The following USP8 variants were observed in gnomAD, a reference collection of about 807,000 sequenced individuals.
The protein encoded by USP8 is ubiquitin carboxyl-terminal hydrolase 8.
Under a neutral mutation model 130.0 loss-of-function variants are expected in USP8, and 27 were observed. The ratio of observed to expected loss-of-function variants is 0.21; its 90% CI spans 0.15 to 0.29. USP8 has a LOEUF of 0.29. Ranked by LOEUF, USP8 falls within the 10% of genes least tolerant of loss-of-function variation. The pLI is 1.00. For missense variants in USP8, 1,029 were observed against 1,312.2 expected (o/e 0.78, Z 3.33); for synonymous variants, 392 against 444.1 (o/e 0.88, Z 1.48).
intron 12 of USP8, among the ~76,000 whole-genome samples, chr15:50,485,617 C>G (rs1362058004): frequency 8.8e-6 from 1 of 113,608 alleles, no homozygotes; most frequent in Non-Finnish European, 1.6e-5. Flanking sequence ...TTAATACAAT[C>G]CAATTTTAGA....
rs566384111 is a variant in USP8 at position 50,502,652 on chromosome 15, G to A, written c.*3564G>A. 6.6e-6 allele frequency: 1 copy of A among 152,340 alleles called. No homozygotes were observed. The highest frequency in any genetic ancestry group is 2.4e-5 in the African/African-American group (1 of 41,516). The allele number at this position is 152,340 out of a possible 1,614,324, so 9.4% of individuals were successfully genotyped here. A position where few individuals can be genotyped will look rare whatever the true frequency, so the allele number is the denominator to read the frequency against. ...CCCAAAGTGCTGGGATTACAGGCGT[G>A]AGCCACTGCACCCAGCCTATTTATT... On this transcript the variant is annotated 3_prime_UTR_variant, in exon 20 of 20. Transcript: ENST00000307179.
chr15:50,424,406 A>T lies in USP8; in HGVS notation c.-174A>T, dbSNP rs1224391340. 2.5e-6 allele frequency: 1 copy of T among 398,628 alleles called. No homozygotes were observed. The allele number at this position is 398,628 out of a possible 1,614,324, so 24.7% of individuals were successfully genotyped here. ...CAATGCAAATCGGGAAAAGGGGGTG[A>T]GCTGGGCTGGCTTCCGTCCTGGTAG... is the stretch of plus-strand genomic sequence containing the variant. On this transcript the variant is annotated 5_prime_UTR_variant, in exon 1 of 20. Transcript: ENST00000307179.
In USP8 at chr15:50,493,062, C is replaced by A. The variant is rs142336644; in HGVS notation, c.2447+149C>A. 16 of 862,094 alleles carry A rather than the reference C, an allele frequency of 1.9e-5. No individual in the cohort carries two copies. In the African/African-American group the frequency reaches 2.5e-4, roughly 13 times the overall value. The allele number at this position is 862,094 out of a possible 1,614,324, so 53.4% of individuals were successfully genotyped here. A position where few individuals can be genotyped will look rare whatever the true frequency, so the allele number is the denominator to read the frequency against. ...AACAAAAATTTATTTTCTCTTAGTT[C>A]TTGACTGGGAAGGCCATCGTCTAGG... On this transcript the variant is annotated intron_variant, in intron 15 of 19. Coordinates refer to ENST00000307179, the MANE Select transcript of USP8 (RefSeq NM_005154.5).
chr15:50,433,637 T>C (rs1437289881), intron 1 of USP8, among the ~76,000 whole-genome samples: 1 of 151,826 alleles, frequency 6.6e-6, no homozygotes, highest in African/African-American at 2.4e-5. Context: ...TGAGATGGAG[T>C]CTCTGTTGCC....
intron 4 of USP8, among the ~76,000 whole-genome samples, chr15:50,452,348 T>G (rs2050652769): frequency 6.6e-6 from 1 of 152,150 alleles, no homozygotes; most frequent in Admixed American, 6.5e-5. Context: ...GAAGTTAGTT[T>G]CAGAGAGCAT....
chr15:50,439,980 G>A lies in USP8; in HGVS notation c.104+803G>A, dbSNP rs34623184. ...GCATAGGCCTATAATCCCAGCTAGT[G>A]GGGGGCTGAGGGATCCCTGAGTCCA... is the stretch of plus-strand genomic sequence containing the variant. On this transcript the variant is annotated intron_variant, in intron 2 of 19. Coordinates refer to ENST00000307179, the MANE Select transcript of USP8 (RefSeq NM_005154.5). Among the ~76,000 whole-genome samples, 867 of 152,154 alleles carry A rather than the reference G, an allele frequency of 5.7e-3. 8 individuals carry two copies. Among genetic ancestry groups the A allele is most frequent in the African/African-American group, 0.02 (835 of 41,516 alleles).
chr15:50,470,441 A>AG (rs1005672789), intron 7 of USP8, among the ~76,000 whole-genome samples: 1 of 152,162 alleles, frequency 6.6e-6, no homozygotes, highest in African/African-American at 2.4e-5. Context: ...GATTCCAGAC[A>AG]GGGAAAAAGC....
intron 11 of USP8, 145 bp downstream of exon 11, chr15:50,482,210 C>T: frequency 1.5e-6 from 1 of 666,240 alleles, no homozygotes; most frequent in Non-Finnish European, 2.2e-6. Flanking sequence ...TCCACATTTG[C>T]TCATCTATTC....
At chr15:50,429,024 A>G (rs1440093660) in intron 1 of USP8, among the ~76,000 whole-genome samples, 1 of 152,232 alleles carries the variant, frequency 6.6e-6, no homozygotes, top group Non-Finnish European at 1.5e-5. Context: ...GGGATGATTC[A>G]TGTCACAGAC....
chr15:50,445,564 A>AAAAAAAAAAAAAAAAC (rs1595913297), intron 3 of USP8, among the ~76,000 whole-genome samples: 1 of 106,662 alleles, frequency 9.4e-6, no homozygotes. Flanking sequence ...AAAAAAAAAA[A>AAAAAAAAAAAAAAAAC]AAAAAGCCTG....
At chr15:50,440,041 T>C (rs1037391528) in intron 2 of USP8, among the ~76,000 whole-genome samples, 2 of 152,010 alleles carry the variant, frequency 1.3e-5, no homozygotes, top group African/African-American at 2.4e-5. Context: ...GATTGCACCG[T>C]TGCACTCCAG....
chr15:50,462,610 A>G (rs766273772), intron 6 of USP8, among the ~76,000 whole-genome samples: 1 of 152,216 alleles, frequency 6.6e-6, no homozygotes, highest in South Asian at 2.1e-4. Context: ...TCTTTTCAAC[A>G]TGCAGTTTAG....
chr15:50,438,510 G>A (rs759701133), intron 1 of USP8, among the ~76,000 whole-genome samples: 1 of 152,144 alleles, frequency 6.6e-6, no homozygotes, highest in Non-Finnish European at 1.5e-5. Context: ...GCTTGAGCTC[G>A]GGAGGTGAAG....
chr15:50,513,794 C>T lies in USP8; in HGVS notation c.*14706C>T. 6.6e-6 allele frequency: 1 copy of T among 152,190 alleles called. No individual in the cohort carries two copies. Among genetic ancestry groups the T allele is most frequent in the East Asian group, 1.9e-4 (1 of 5,204 alleles). 9.4% of individuals were successfully genotyped at this position (152,190 alleles called of 1,614,324 possible). On this transcript the variant is annotated 3_prime_UTR_variant, in exon 20 of 20. Coordinates refer to ENST00000307179, the MANE Select transcript of USP8 (RefSeq NM_005154.5). The stretch of plus-strand genomic sequence containing the variant: ...AAGTGTTAACAAGGATTTAAGGCAA[C>T]TGAAACTTCCAGTCATTGCTGGTGG...
At chr15:50,436,329 ATGT>A (rs138422057) in intron 1 of USP8, among the ~76,000 whole-genome samples, 20,049 of 151,708 alleles carry the variant, frequency 0.13, 1,880 homozygotes, top group Middle Eastern at 0.27. Flanking sequence ...CTCAAATCAA[ATGT>A]TGTCTCTTTG....
intron 18 of USP8, chr15:50,498,393 A>G: frequency 1.7e-6 from 1 of 590,970 alleles, no homozygotes; most frequent in Non-Finnish European, 2.7e-6. Flanking sequence ...GCACATCATT[A>G]AATATCCATA....
intron 1 of USP8, among the ~76,000 whole-genome samples, chr15:50,426,128 TA>T (rs2049710506): frequency 6.6e-6 from 1 of 151,876 alleles, no homozygotes; most frequent in African/African-American, 2.4e-5. Flanking sequence ...TCTCAAAAAA[TA>T]AAAAATAAAA....
rs1170785330 is a variant in USP8, at chr15:50,481,784, G to A, written c.1522G>A (p.Glu508Lys). 2 of 1,544,382 alleles carry A rather than the reference G, an allele frequency of 1.3e-6. No homozygotes were observed. Among genetic ancestry groups the A allele is most frequent in the Non-Finnish European group, 1.7e-6 (2 of 1,151,046 alleles). ...AGAACAAAAAGCCAAAAAGAAACAA[G>A]AAGCTGAAGAAAATGAAATTACAGA... ...EQEQKAKKKQ[E>K]AEENEITEKQ... Residue 508 changes from glutamate to lysine, a missense_variant, in exon 11 of 20, where the codon GAA becomes AAA. Coordinates refer to ENST00000307179, the MANE Select transcript of USP8 (RefSeq NM_005154.5).
chr15:50,477,460 C>T lies in USP8; in HGVS notation c.1179C>T (p.Pro393=). ...PVAASKSDVS[P]IIQPVPSIKN... is the part of the protein sequence containing the mutation. ...CTGCTTCTAAATCTGATGTTTCACC[C>T]ATAATTCAGCCAGTGCCTAGTATAA... The change falls in exon 10 of 20, where the codon CCC becomes CCT. Residue 393 remains proline, a synonymous_variant. Coordinates refer to ENST00000307179, the MANE Select transcript of USP8 (RefSeq NM_005154.5). The T allele has an allele frequency of 6.2e-7, 1 of 1,614,106 alleles. No individual in the cohort carries two copies. Among genetic ancestry groups the T allele is most frequent in the Non-Finnish European group, 8.5e-7 (1 of 1,180,012 alleles).
Sources: allele counts gnomAD v4.1 joint callset (sites outside exome capture counted in the v4.1 genomes callset), GRCh38; gene constraint gnomAD v4.1.1; transcripts MANE v1.5; gene names NCBI Gene and HGNC (gene_info 2026-07-23, HGNC 2026-07-21).